HEATR5A: variants seen among roughly 807,000 people sequenced by gnomAD.
HEATR5A encodes the protein HEAT repeat-containing protein 5A.
Under a neutral mutation model 218.8 loss-of-function variants are expected in HEATR5A, and 178 were observed. The ratio of observed to expected loss-of-function variants is 0.81; its 90% CI spans 0.72 to 0.92. The LOEUF (loss-of-function observed/expected upper bound fraction) is 0.92, where lower values mean the gene tolerates loss of function less well. Ranked by LOEUF, HEATR5A falls within the 40% of genes least tolerant of loss-of-function variation. HEATR5A has a pLI of 0.00. For synonymous variants in HEATR5A, 864 were observed against 871.6 expected, an observed-to-expected ratio of 0.99 and a Z score of 0.15; for missense variants, 2,420 against 2,418.9, an observed-to-expected ratio of 1.00 and a Z score of -0.01.
chr14:31,351,549 A>G (rs140427641), intron 16 of HEATR5A, among the ~76,000 whole-genome samples: 1 of 152,226 alleles, frequency 6.6e-6, no homozygotes, highest in East Asian at 1.9e-4. Context: ...AAAGTGCTAA[A>G]AAGGTAATGT....
At chr14:31,341,521 G>C (rs1325067386) in intron 21 of HEATR5A, among the ~76,000 whole-genome samples, 1 of 151,994 alleles carries the variant, frequency 6.6e-6, no homozygotes, top group Non-Finnish European at 1.5e-5. Flanking sequence ...AGCCTCCCAA[G>C]TAGTAGTGGG....
rs771304742 is a variant in HEATR5A, at chr14:31,347,742, A to T, written c.2868+6T>A. The T allele has an allele frequency of 6.4e-7, 1 of 1,574,280 alleles. No individual in the cohort carries two copies. The highest frequency in any genetic ancestry group is 2.3e-5 in the East Asian group (1 of 43,846). ...TTTCAAGGGAAGTATCACATGAGGT[A>T]CCCACCTGCACATCAGGAGAAGTGC... On this transcript the variant is annotated splice_donor_region_variant and intron_variant, in intron 19 of 35. Transcript: ENST00000543095.
chr14:31,407,141 A>AAT (rs2031096952), intron 1 of HEATR5A, among the ~76,000 whole-genome samples: 1 of 151,900 alleles, frequency 6.6e-6, no homozygotes, highest in Non-Finnish European at 1.5e-5. Context: ...AAATAAAAAA[A>AAT]TTAGCTGGGC....
At chr14:31,384,794 T>C (rs1403784527) in intron 9 of HEATR5A, among the ~76,000 whole-genome samples, 1 of 152,040 alleles carries the variant, frequency 6.6e-6, no homozygotes, top group African/African-American at 2.4e-5. Context: ...CCCAAAGTGC[T>C]GGATTACAGG....
intron 10 of HEATR5A, among the ~76,000 whole-genome samples, chr14:31,381,613 T>C (rs1206348653): frequency 1.4e-5 from 2 of 145,296 alleles, no homozygotes; most frequent in Non-Finnish European, 3.0e-5. Context: ...TGAGATCCTA[T>C]CTTCACAAAA....
chr14:31,325,960 G>C (rs941061780), intron 23 of HEATR5A: 1 of 591,462 alleles, frequency 1.7e-6, no homozygotes, highest in East Asian at 2.8e-5. Flanking sequence ...AAAAGAGCAG[G>C]CTTAAGTATT....
intron 3 of HEATR5A, 92 bp from the exon 4 acceptor site, chr14:31,398,873 T>TC: frequency 1.5e-6 from 1 of 680,864 alleles, no homozygotes; most frequent in Non-Finnish European, 2.5e-6. Flanking sequence ...TTGAAAAATA[T>TC]CCCCCATTCT....
chr14:31,319,982 G>T (rs1017455706), intron 25 of HEATR5A, among the ~76,000 whole-genome samples: 1 of 152,010 alleles, frequency 6.6e-6, no homozygotes, highest in South Asian at 2.1e-4. Flanking sequence ...CTCCAGCCTG[G>T]GCAACAGGGT....
rs771816564 is a variant in HEATR5A at position 31,293,377 on chromosome 14, C to A, written c.6069G>T (p.Lys2023Asn). ...IKGNQESVKV[K>N]IPTSKYTKSP... is the part of the protein sequence containing the mutation. The stretch of plus-strand genomic sequence containing the variant: ...TCTTAGTATATTTAGATGTTGGTAT[C>A]TTGACTTTGACACTTTCCTGATTGC... The change falls in exon 36 of 36, where the codon AAG becomes AAT. Residue 2023 changes from lysine (K) to asparagine (N), a missense_variant. Coordinates refer to ENST00000543095, the MANE Select transcript of HEATR5A (RefSeq NM_015473.4). 9 of 1,613,658 alleles carry A rather than the reference C, an allele frequency of 5.6e-6. No homozygotes were observed. The East Asian group carries it at 2.0e-4, about 36-fold the overall frequency.
intron 6 of HEATR5A, among the ~76,000 whole-genome samples, chr14:31,393,199 T>TA (rs368829515): frequency 2.0e-5 from 3 of 151,912 alleles, no homozygotes; most frequent in South Asian, 2.1e-4. Flanking sequence ...ACAATTACTT[T>TA]AAAAAAAATA....
chr14:31,319,139 CTAATA>C (rs1171748249), intron 25 of HEATR5A, among the ~76,000 whole-genome samples: 2 of 152,018 alleles, frequency 1.3e-5, no homozygotes. Context: ...ATATTTCATT[CTAATA>C]TAATAGTTCT....
chr14:31,399,293 G>GT, intron 3 of HEATR5A, among the ~76,000 whole-genome samples: 1 of 152,212 alleles, frequency 6.6e-6, no homozygotes. Context: ...TCAATAATAA[G>GT]GATGTATCAA....
At chr14:31,385,218 T>C (rs572731297) in intron 9 of HEATR5A, among the ~76,000 whole-genome samples, 4 of 152,284 alleles carry the variant, frequency 2.6e-5, no homozygotes, top group Admixed American at 6.5e-5. Context: ...CTCAGTCTCC[T>C]AGGCATAAGT....
intron 16 of HEATR5A, among the ~76,000 whole-genome samples, chr14:31,352,861 G>A (rs1901281318): frequency 6.6e-6 from 1 of 152,000 alleles, no homozygotes; most frequent in Admixed American, 6.6e-5. Context: ...GGGAGGCTGA[G>A]GTAGGAGAAC....
At chr14:31,355,335 C>T (rs1901385684) in intron 16 of HEATR5A, among the ~76,000 whole-genome samples, 1 of 149,648 alleles carries the variant, frequency 6.7e-6, no homozygotes, top group East Asian at 2.0e-4. Flanking sequence ...ATCACTTGAA[C>T]CTGGGAGGCG....
Position 31,313,188 on chromosome 14 carries a change from G to A in HEATR5A, c.4221C>T (p.Val1407=), listed in dbSNP as rs61754286. 0.011 allele frequency: 18,267 copies of A among 1,607,488 alleles called. 143 individuals carry two copies. The highest frequency in any genetic ancestry group is 0.014 in the Non-Finnish European group (16,469 of 1,174,616). The change falls in exon 28 of 36, where the codon GTC becomes GTT. Residue 1407 remains valine, a splice_region_variant and synonymous_variant. Transcript: ENST00000543095. ...ILAVLKAWAE[V]YIIAVQRHKN... is the part of the protein sequence containing the mutation. ...TATGTCTTTGCACAGCAATTATGTA[G>A]ACCTGTTAAAGGTTAATTTAAAAAC...
intron 16 of HEATR5A, among the ~76,000 whole-genome samples, chr14:31,351,979 C>T (rs1415473600): frequency 6.6e-6 from 1 of 152,100 alleles, no homozygotes. Context: ...AAAATTTATT[C>T]AACCACTCTG....
Position 31,412,322 on chromosome 14 carries a change from G to A in HEATR5A, c.-75+8150C>T, listed in dbSNP as rs556588019. Among the ~76,000 whole-genome samples, 3 of 152,164 alleles carry A rather than the reference G, an allele frequency of 2.0e-5. No homozygotes were observed. The East Asian group carries it at 5.8e-4, about 29-fold the overall frequency. On this transcript the variant is annotated intron_variant, in intron 1 of 35. Coordinates refer to ENST00000543095, the MANE Select transcript of HEATR5A (RefSeq NM_015473.4). ...ATGTAAATAAAGAAAAAAGACGACA[G>A]CCAGGTGCGGTGGCCTGTAATCCCA...
chr14:31,308,866 C>T, intron 29 of HEATR5A, 68 bp downstream of exon 29: 1 of 1,385,338 alleles, frequency 7.2e-7, no homozygotes, highest in Non-Finnish European at 9.7e-7. Flanking sequence ...AAGAGCAAAA[C>T]TCCATCTCAA....
Sources: gnomAD v4.1 joint callset for allele counts (sites outside exome capture counted in the v4.1 genomes callset) on GRCh38, gnomAD v4.1.1 for gene constraint, MANE v1.5 for transcripts, NCBI Gene and HGNC (gene_info 2026-07-23, HGNC 2026-07-21) for gene names.